The following NOX5 variants were observed in gnomAD, a reference collection of about 807,000 sequenced individuals.
The protein encoded by NOX5 is NADPH oxidase 5.
A neutral mutation model predicts 85.7 loss-of-function variants in NOX5; 76 were observed. That is an observed-to-expected ratio of 0.89 (90% CI 0.74 to 1.07). The LOEUF (loss-of-function observed/expected upper bound fraction) is 1.07. Among genes scored for constraint, NOX5 ranks in the 50% least tolerant of loss-of-function variants. The pLI is 0.00. For synonymous variants in NOX5, 405 were observed against 401.4 expected (o/e 1.01, Z -0.11); for missense variants, 973 against 999.5 (o/e 0.97, Z 0.36).
At chr15:69,021,799 A>G (rs1595767674) in intron 1 of NOX5, among the ~76,000 whole-genome samples, 1 of 152,096 alleles carries the variant, frequency 6.6e-6, no homozygotes, top group Non-Finnish European at 1.5e-5. Context: ...TGGGGGTTTT[A>G]TTCTCTCTTT....
intron 7 of NOX5, among the ~76,000 whole-genome samples, chr15:69,036,398 T>A (rs961203978): frequency 5.9e-5 from 9 of 152,176 alleles, no homozygotes; most frequent in Admixed American, 1.3e-4. Context: ...GCTCTGAAAA[T>A]GTTAGTTCCA....
chr15:69,032,824 A>T (rs2050455795), intron 4 of NOX5, among the ~76,000 whole-genome samples: 1 of 152,232 alleles, frequency 6.6e-6, no homozygotes, highest in Admixed American at 6.5e-5. Flanking sequence ...TAATAAAAAT[A>T]GCGGTGGTTG....
intron 8 of NOX5, chr15:69,037,447 G>A (rs1428402581): frequency 3.8e-6 from 2 of 531,466 alleles, no homozygotes; most frequent in South Asian, 2.3e-5. Flanking sequence ...CGATTTTGGG[G>A]AGAACAGTCT....
chr15:69,035,657 C>T, intron 6 of NOX5, 101 bp from the exon 7 acceptor site: 9 of 1,560,288 alleles, frequency 5.8e-6, no homozygotes, highest in Non-Finnish European at 7.8e-6. Flanking sequence ...AAGTTTCTGC[C>T]CGTGCTAGTA....
rs1343603965 is a variant in NOX5 at position 69,061,977 on chromosome 15, C to T, written c.*5281C>T. 2 of 152,068 alleles carry T rather than the reference C, an allele frequency of 1.3e-5. No homozygotes were observed. Among genetic ancestry groups the T allele is most frequent in the Non-Finnish European group, 2.9e-5 (2 of 68,018 alleles). 9.4% of individuals were successfully genotyped at this position (152,068 alleles called of 1,614,324 possible). Reference sequence around the variant, plus strand: ...AATAACCCTAAAGAATGTTCAAGAACAGTGAATGATTTGTCTCTGTGTCCC... The same window carrying T: ...AATAACCCTAAAGAATGTTCAAGAATAGTGAATGATTTGTCTCTGTGTCCC... On this transcript the variant is annotated 3_prime_UTR_variant, in exon 16 of 16. Transcript: ENST00000388866.
At chr15:69,038,469 C>T in intron 8 of NOX5, 1 of 284,906 alleles carries the variant, frequency 3.5e-6, no homozygotes, top group Non-Finnish European at 6.7e-6. Flanking sequence ...TGTTGTTATC[C>T]AAGGAGAGAT....
In NOX5 at chr15:69,058,849, G is replaced by A. The variant is rs2050844316; in HGVS notation, c.*2153G>A. 1 of 152,260 alleles carries A rather than the reference G, an allele frequency of 6.6e-6. No homozygotes were observed. Among genetic ancestry groups the A allele is most frequent in the African/African-American group, 2.4e-5 (1 of 41,442 alleles). 9.4% of individuals were successfully genotyped at this position (152,260 alleles called of 1,614,324 possible). On this transcript the variant is annotated 3_prime_UTR_variant, in exon 16 of 16. Coordinates refer to ENST00000388866, the MANE Select transcript of NOX5 (RefSeq NM_024505.4). ...ACAAAACGCTCTCTGGGGCACAGAA[G>A]GAAACTAAAGAGGGTGTTCTGACTT...
chr15:69,036,524 C>T (rs1050891297), intron 7 of NOX5, among the ~76,000 whole-genome samples: 8 of 152,146 alleles, frequency 5.3e-5, no homozygotes, highest in African/African-American at 9.7e-5. Flanking sequence ...ATACTGAGCA[C>T]GTACCTACTC....
Position 69,031,678 on chromosome 15 carries a change from T to C in NOX5, c.486T>C (p.Pro162=), listed in dbSNP as rs1023173010. ...SCLRESAISL[P]DEKLDQLTLA... ...TGCGCGAGAGCGCCATCTCGCTGCC[T>C]GACGAGAAGCTGGACCAGCTGACGC... The change falls in exon 4 of 16, where the codon CCT becomes CCC. Residue 162 remains proline, a synonymous_variant. Coordinates refer to ENST00000388866, the MANE Select transcript of NOX5 (RefSeq NM_024505.4). 20 of 1,613,242 alleles carry C rather than the reference T, an allele frequency of 1.2e-5. No individual in the cohort carries two copies. Among genetic ancestry groups the C allele is most frequent in the Non-Finnish European group, 1.6e-5 (19 of 1,179,908 alleles).
At chr15:69,055,193 G>A (rs1468671035) in intron 14 of NOX5, 141 bp from the exon 15 acceptor site, 2 of 814,832 alleles carry the variant, frequency 2.5e-6, no homozygotes, top group Non-Finnish European at 3.8e-6. Context: ...CCTCTCCATG[G>A]CACTGGTTAC....
intron 9 of NOX5, among the ~76,000 whole-genome samples, chr15:69,039,498 A>G (rs1281260772): frequency 6.6e-6 from 1 of 152,190 alleles, no homozygotes; most frequent in Non-Finnish European, 1.5e-5. Flanking sequence ...GGATGGGACT[A>G]AGGAGGACTT....
At chr15:69,056,121 G>T (rs1595793912) in intron 15 of NOX5, among the ~76,000 whole-genome samples, 1 of 152,178 alleles carries the variant, frequency 6.6e-6, no homozygotes, top group Middle Eastern at 3.4e-3. Context: ...GGTAGAAAAG[G>T]GTCCTCACTG....
Position 69,031,606 on chromosome 15 carries a change from T to C in NOX5, c.414T>C (p.Ser138=), listed in dbSNP as rs2140257436. 1.9e-6 allele frequency: 3 copies of C among 1,613,332 alleles called. No homozygotes were observed. The highest frequency in any genetic ancestry group is 2.5e-6 in the Non-Finnish European group (3 of 1,180,022). The change falls in exon 4 of 16, where the codon AGT becomes AGC. Residue 138 remains serine (S), a synonymous_variant. Coordinates refer to ENST00000388866, the MANE Select transcript of NOX5 (RefSeq NM_024505.4). Reference sequence around the variant, plus strand: ...CTTCATCCCCACTCGGGACAGGCAGTGGCTCCATTGACCCGGATGAGCTGC... The same window carrying C: ...CTTCATCCCCACTCGGGACAGGCAGCGGCTCCATTGACCCGGATGAGCTGC... ...HWASSPLGTG[S]GSIDPDELRT...
chr15:69,026,755 G>C, intron 2 of NOX5, 104 bp downstream of exon 2: 1 of 1,504,772 alleles, frequency 6.6e-7, no homozygotes, highest in Non-Finnish European at 9.1e-7. Flanking sequence ...TGGGGTTCCT[G>C]AGGTCTCCAC....
rs2050830287 is a variant in NOX5 at position 69,057,681 on chromosome 15, G to A, written c.*985G>A. On this transcript the variant is annotated 3_prime_UTR_variant, in exon 16 of 16. Transcript: ENST00000388866. ...AGCCACACTCTGGCTGTGTGGCCCT[G>A]GAAGCTTCCCCATGTCTGTTATTTT... 6.6e-6 allele frequency: 1 copy of A among 152,214 alleles called. No homozygotes were observed. Among genetic ancestry groups the A allele is most frequent in the Non-Finnish European group, 1.5e-5 (1 of 68,052 alleles). The allele number at this position is 152,214 out of a possible 1,614,324, so 9.4% of individuals were successfully genotyped here.
intron 1 of NOX5, chr15:69,022,247 C>G (rs966173452): frequency 4.9e-6 from 1 of 203,556 alleles, no homozygotes; most frequent in South Asian, 1.2e-4. Context: ...CCAATAATGT[C>G]GAAGTTTTTA....
chr15:69,028,223 T>G lies in NOX5; in HGVS notation c.183T>G (p.Phe61Leu). 6.2e-7 allele frequency: 1 copy of G among 1,604,646 alleles called. No individual in the cohort carries two copies. Among genetic ancestry groups the G allele is most frequent in the Non-Finnish European group, 8.5e-7 (1 of 1,175,566 alleles). Residue 61 changes from phenylalanine to leucine, a missense_variant, in exon 3 of 16, where the codon TTT becomes TTG. By Grantham distance (22) the Phe-to-Leu change is conservative. Coordinates refer to ENST00000388866, the MANE Select transcript of NOX5 (RefSeq NM_024505.4). ...ACCCTTCTCGCCCACAGTCCTTCTT[T>G]GCAGAGCGATTCTTTGCCCTATTTG... ...KAALHVKESF[F>L]AERFFALFDS...
chr15:69,032,938 C>G (rs2050457146), intron 4 of NOX5, 105 bp from the exon 5 acceptor site: 1 of 1,446,916 alleles, frequency 6.9e-7, no homozygotes, highest in Admixed American at 2.7e-5. Context: ...AGCCGGCCTG[C>G]TTGCCAGACT....
intron 6 of NOX5, 92 bp downstream of exon 6, chr15:69,035,599 C>G (rs1265864921): frequency 6.4e-7 from 1 of 1,560,036 alleles, no homozygotes; most frequent in African/African-American, 1.4e-5. Flanking sequence ...TACTGCCTGC[C>G]CAAAGGGCAG....
Sources: allele counts gnomAD v4.1 joint callset (sites outside exome capture counted in the v4.1 genomes callset), GRCh38; gene constraint gnomAD v4.1.1; transcripts MANE v1.5; gene names NCBI Gene and HGNC (gene_info 2026-07-23, HGNC 2026-07-21).